TENM2: variants seen among roughly 807,000 people sequenced by gnomAD.
TENM2 encodes the protein teneurin transmembrane protein 2, also known as teneurin-2.
In TENM2, 52 loss-of-function variants were observed where a neutral mutation model predicts 245.2. The observed-to-expected ratio is 0.21, with a 90% CI of 0.17 to 0.27. The LOEUF is 0.27. Ranked by LOEUF, TENM2 falls within the 10% of genes least tolerant of loss-of-function variation. The pLI, the probability that TENM2 is intolerant of heterozygous loss-of-function variation, is 1.00. For missense variants in TENM2, 3,046 were observed against 3,666.8 expected (o/e 0.83, Z 4.37); for synonymous variants, 1,363 against 1,438.9 (o/e 0.95, Z 1.19).
chr5:168,073,751 C>T (rs967863735), intron 7 of TENM2, among the ~76,000 whole-genome samples: 1 of 152,220 alleles, frequency 6.6e-6, no homozygotes, highest in African/African-American at 2.4e-5. Context: ...TCGAGACTTA[C>T]GGTTTCTAAC....
the TENM2 span, among the ~76,000 whole-genome samples, chr5:167,077,320 C>G: frequency 4.6e-5 from 7 of 151,894 alleles, no homozygotes; most frequent in South Asian, 2.1e-4. Flanking sequence ...ATGTCATATA[C>G]CATTTTTAAA....
At chr5:167,012,117 T>C in the TENM2 span, among the ~76,000 whole-genome samples, 1 of 152,222 alleles carries the variant, frequency 6.6e-6, no homozygotes, top group South Asian at 2.1e-4. Context: ...TTGGCCTTTT[T>C]CCATTCCTTA....
intron 2 of TENM2, among the ~76,000 whole-genome samples, chr5:167,398,374 C>CTGCCT (rs1561923314): frequency 2.2e-5 from 2 of 91,758 alleles, no homozygotes; most frequent in Non-Finnish European, 4.0e-5. Context: ...TCCTTTCTTT[C>CTGCCT]TTCCTTTCTT....
chr5:167,427,943 A>G (rs1168179532), intron 2 of TENM2, among the ~76,000 whole-genome samples: 2 of 150,660 alleles, frequency 1.3e-5, no homozygotes, highest in African/African-American at 4.9e-5. Flanking sequence ...AAGGAAGGGA[A>G]GGAAGGAAGG....
chr5:168,152,843 C>T (rs1223571211), intron 12 of TENM2, among the ~76,000 whole-genome samples: 1 of 152,164 alleles, frequency 6.6e-6, no homozygotes, highest in East Asian at 1.9e-4. Context: ...AAGGCACAAA[C>T]CCACATCCGC....
At chr5:167,343,684 G>T (rs910618156) in intron 1 of TENM2, among the ~76,000 whole-genome samples, 2 of 151,954 alleles carry the variant, frequency 1.3e-5, no homozygotes, top group South Asian at 4.1e-4. Flanking sequence ...TACTTGTACT[G>T]CATTTTTTAA....
intron 13 of TENM2, among the ~76,000 whole-genome samples, chr5:168,182,955 C>T (rs537373534): frequency 2.0e-5 from 3 of 151,974 alleles, no homozygotes; most frequent in East Asian, 3.9e-4. Context: ...CTCAGCCTCC[C>T]GAGTAGCCAG....
intron 2 of TENM2, among the ~76,000 whole-genome samples, chr5:167,445,331 ATATAT>A (rs1561961631): frequency 2.4e-4 from 24 of 101,420 alleles, no homozygotes; most frequent in Admixed American, 8.4e-4. Context: ...ATATATATAT[ATATAT>A]AGAGAGAGAG....
intron 2 of TENM2, among the ~76,000 whole-genome samples, chr5:167,702,186 C>T (rs1758185101): frequency 6.6e-6 from 1 of 152,174 alleles, no homozygotes; most frequent in Admixed American, 6.5e-5. Flanking sequence ...TGATGACATG[C>T]TGATTTAAGC....
chr5:168,215,130 C>T (rs1763077483), exon 21 of TENM2: 13 of 1,613,742 alleles, frequency 8.1e-6, no homozygotes, highest in East Asian at 2.2e-5. Context: ...GAATCTACCG[C>T]GTCAAGTCTC....
At chr5:168,189,560 G>A (rs143000764) in intron 13 of TENM2, among the ~76,000 whole-genome samples, 3 of 152,310 alleles carry the variant, frequency 2.0e-5, no homozygotes, top group Admixed American at 6.5e-5. Flanking sequence ...GACAGAACCA[G>A]AAACTACTGC....
chr5:167,904,812 T>TC (rs1289409093), intron 3 of TENM2, among the ~76,000 whole-genome samples: 1 of 152,172 alleles, frequency 6.6e-6, no homozygotes, highest in Non-Finnish European at 1.5e-5. Flanking sequence ...CTGAGGACTG[T>TC]CTTGGTGCTG....
At chr5:167,174,363 T>C in the TENM2 span, among the ~76,000 whole-genome samples, 2 of 152,190 alleles carry the variant, frequency 1.3e-5, no homozygotes, top group Non-Finnish European at 2.9e-5. Context: ...CCTTCTCTTA[T>C]GTGGCAGATT....
chr5:167,938,934 C>T (rs1338133387), intron 3 of TENM2, among the ~76,000 whole-genome samples: 1 of 139,012 alleles, frequency 7.2e-6, no homozygotes, highest in Non-Finnish European at 1.5e-5. Context: ...CAGAGCAAGA[C>T]TCCGTCTCAA....
At chr5:168,078,171 A>G (rs1048188464) in intron 7 of TENM2, among the ~76,000 whole-genome samples, 2 of 152,140 alleles carry the variant, frequency 1.3e-5, no homozygotes, top group Non-Finnish European at 2.9e-5. Context: ...CATTTCTCTG[A>G]TGGCCAGTGA....
At chr5:167,382,694 C>A (rs1291059224) in intron 2 of TENM2, among the ~76,000 whole-genome samples, 2 of 152,108 alleles carry the variant, frequency 1.3e-5, no homozygotes, top group African/African-American at 4.8e-5. Flanking sequence ...AAGATAAACA[C>A]CATGGCAGTC....
intron 5 of TENM2, among the ~76,000 whole-genome samples, chr5:168,006,483 C>T (rs1784830262): frequency 6.6e-6 from 1 of 152,152 alleles, no homozygotes; most frequent in Non-Finnish European, 1.5e-5. Flanking sequence ...ATGCTTTCAC[C>T]ATAGCCTTGG....
the TENM2 span, among the ~76,000 whole-genome samples, chr5:167,225,351 T>A: frequency 1.3e-5 from 2 of 152,072 alleles, no homozygotes; most frequent in African/African-American, 4.8e-5. Context: ...AATGCCTAGT[T>A]TGTTGAAGGT....
intron 1 of TENM2, among the ~76,000 whole-genome samples, chr5:167,319,966 C>T (rs1036380364): frequency 1.3e-5 from 2 of 152,158 alleles, no homozygotes; most frequent in Admixed American, 6.6e-5. Flanking sequence ...GTATGTCAGG[C>T]ACTCTACTAG....
Sources: gnomAD v4.1 joint callset for allele counts (sites outside exome capture counted in the v4.1 genomes callset) on GRCh38, gnomAD v4.1.1 for gene constraint, MANE v1.5 for transcripts, NCBI Gene and HGNC (gene_info 2026-07-23, HGNC 2026-07-21) for gene names.